The following PARP11 variants were observed in gnomAD, a reference collection of about 807,000 sequenced individuals.
PARP11 encodes the protein poly(ADP-ribose) polymerase family member 11, also known as protein mono-ADP-ribosyltransferase PARP11.
In PARP11, 31 loss-of-function variants were observed where a neutral mutation model predicts 42.9. That is an observed-to-expected ratio of 0.72 (90% CI 0.54 to 0.98). PARP11 has a LOEUF of 0.98. Among genes scored for constraint, PARP11 ranks in the 50% least tolerant of loss-of-function variants. PARP11 has a pLI of 0.00. For missense variants in PARP11, 365 were observed against 413.1 expected (o/e 0.88, Z 1.01); for synonymous variants, 137 against 127.3 (o/e 1.08, Z -0.51).
Position 3,839,161 on chromosome 12 carries a change from CGCCGCCT to C in PARP11, c.19-9150_19-9144del, listed in dbSNP as rs570116276. Among the ~76,000 whole-genome samples, 16 of 149,388 alleles carry C rather than the reference CGCCGCCT, an allele frequency of 1.1e-4. No homozygotes were observed. In the East Asian group the frequency reaches 1.6e-3, roughly 15 times the overall value. On this transcript the variant is annotated intron_variant, in intron 1 of 7. Transcript: ENST00000228820. Reference sequence around the variant, plus strand: ...GCGGACCGCTGCCTCGGGCCGCCGCCGCCGCCTGCCGCCTGCCGCCGCTCGCGGAGCC... The same window carrying C: ...GCGGACCGCTGCCTCGGGCCGCCGCCGCCGCCTGCCGCCGCTCGCGGAGCC...
chr12:3,851,865 G>A (rs953670819), intron 1 of PARP11, among the ~76,000 whole-genome samples: 7 of 152,198 alleles, frequency 4.6e-5, no homozygotes, highest in South Asian at 2.1e-4. Context: ...AGTAGGGGCC[G>A]ACTGACACCT....
intron 1 of PARP11, among the ~76,000 whole-genome samples, chr12:3,834,007 T>C (rs1947704282): frequency 6.6e-6 from 1 of 152,128 alleles, no homozygotes; most frequent in Admixed American, 6.5e-5. Context: ...ACAGCCCCCA[T>C]TCAAAAGGTA....
intron 1 of PARP11, chr12:3,839,943 T>C (rs1257911377): frequency 8.3e-7 from 1 of 1,202,146 alleles, no homozygotes; most frequent in Non-Finnish European, 1.2e-6. Flanking sequence ...GTAAAACTGC[T>C]GTTGCTGCTG....
chr12:3,819,562 G>A (rs1947354162), intron 6 of PARP11, among the ~76,000 whole-genome samples: 2 of 152,124 alleles, frequency 1.3e-5, no homozygotes, highest in African/African-American at 4.8e-5. Flanking sequence ...ATCACTCCCA[G>A]TTGAGAACCA....
At chr12:3,849,376 ACAT>A (rs1475269458) in intron 1 of PARP11, among the ~76,000 whole-genome samples, 2 of 152,178 alleles carry the variant, frequency 1.3e-5, no homozygotes, top group Non-Finnish European at 2.9e-5. Context: ...GCAGAATGAT[ACAT>A]AATAGCCAAG....
At chr12:3,842,640 T>G in intron 1 of PARP11, 1 of 672,290 alleles carries the variant, frequency 1.5e-6, no homozygotes, top group East Asian at 2.5e-5. Context: ...CCTCCTTACC[T>G]TCCCTCCCAT....
chr12:3,842,397 A>G, intron 1 of PARP11: 2 of 1,611,480 alleles, frequency 1.2e-6, no homozygotes, highest in East Asian at 2.2e-5. Flanking sequence ...CCTGGAAAGG[A>G]CAGCCAAGCA....
Position 3,840,238 on chromosome 12 carries a change from G to A in PARP11, c.19-10220C>T. The A allele has an allele frequency of 6.2e-7, 1 of 1,612,290 alleles. No individual in the cohort carries two copies. Among genetic ancestry groups the A allele is most frequent in the Non-Finnish European group, 8.5e-7 (1 of 1,178,308 alleles). On this transcript the variant is annotated intron_variant, in intron 1 of 7. Transcript: ENST00000228820. This position sits in a 1 kb window ranked among gnomAD's most constrained non-coding sequence, Gnocchi z 4.4. ...CGTTCAAGGAGTTCATTCTGAGAAT[G>A]GACCAGTTTTGGTTGAAGAACTGGG...
chr12:3,859,559 TA>T (rs59321607), intron 1 of PARP11, among the ~76,000 whole-genome samples: 39,269 of 112,280 alleles, frequency 0.35, 6,572 homozygotes, highest in Non-Finnish European at 0.44. Context: ...GAGACTCTGC[TA>T]AAAAAAAAAA....
intron 4 of PARP11, among the ~76,000 whole-genome samples, chr12:3,825,162 T>C (rs912177809): frequency 1.3e-5 from 2 of 152,164 alleles, no homozygotes; most frequent in Non-Finnish European, 2.9e-5. Flanking sequence ...AGAATTTCAA[T>C]ACTTGCTTGA....
chr12:3,858,964 G>A (rs942449074), intron 1 of PARP11, among the ~76,000 whole-genome samples: 2 of 151,758 alleles, frequency 1.3e-5, no homozygotes, highest in African/African-American at 4.8e-5. Flanking sequence ...AGGTGTGGTG[G>A]TAGGCGCCTG....
At position 3,810,824 on chromosome 12, in the gene PARP11, G is replaced by C. The variant is rs1240044629; in HGVS notation, c.*1299C>G. 1 of 152,052 alleles carries C rather than the reference G, an allele frequency of 6.6e-6. No homozygotes were observed. Among genetic ancestry groups the C allele is most frequent in the East Asian group, 1.9e-4 (1 of 5,178 alleles). 9.4% of individuals were successfully genotyped at this position (152,052 alleles called of 1,614,324 possible). A position where few individuals can be genotyped will look rare whatever the true frequency, so the allele number is the denominator to read the frequency against. On this transcript the variant is annotated 3_prime_UTR_variant, in exon 8 of 8. Coordinates refer to ENST00000228820, the MANE Select transcript of PARP11 (RefSeq NM_020367.6). ...ACAGAAGAGAAGAGAAAGAAGAGAA[G>C]AGAAAGAGGAGAGAAGAGAAGGAGG...
At chr12:3,836,549 T>C (rs1947766876) in intron 1 of PARP11, among the ~76,000 whole-genome samples, 1 of 152,152 alleles carries the variant, frequency 6.6e-6, no homozygotes, top group Non-Finnish European at 1.5e-5. Context: ...AAAAGAGCGC[T>C]GGTAAAAGGT....
At position 3,845,031 on chromosome 12, in the gene PARP11, G is replaced by A. The variant is rs1283465580; in HGVS notation, c.19-15013C>T. On this transcript the variant is annotated intron_variant, in intron 1 of 7. Coordinates refer to ENST00000228820, the MANE Select transcript of PARP11 (RefSeq NM_020367.6). Reference sequence around the variant, plus strand: ...TGAGGATCATTTGCATTTTTGAGTTGGAAATTATGAAACTTCACCATATTA... The same window carrying A: ...TGAGGATCATTTGCATTTTTGAGTTAGAAATTATGAAACTTCACCATATTA... Among the ~76,000 whole-genome samples the A allele has an allele frequency of 2.0e-5, 3 of 149,140 alleles. No individual in the cohort carries two copies. The East Asian group carries it at 6.7e-4, about 33-fold the overall frequency.
intron 1 of PARP11, chr12:3,872,440 A>G (rs1468259343): frequency 1.1e-6 from 1 of 871,794 alleles, no homozygotes; most frequent in Non-Finnish European, 1.4e-6. Context: ...TTCGGCCCCT[A>G]CGTTGCACTT....
intron 1 of PARP11, among the ~76,000 whole-genome samples, chr12:3,864,384 T>C (rs1355420972): frequency 6.6e-6 from 1 of 152,234 alleles, no homozygotes; most frequent in African/African-American, 2.4e-5. Flanking sequence ...TATTGGTCTG[T>C]AGTTTTCTAT....
intron 1 of PARP11, among the ~76,000 whole-genome samples, chr12:3,854,033 C>T (rs1379661800): frequency 6.6e-6 from 1 of 152,288 alleles, no homozygotes; most frequent in East Asian, 1.9e-4. Context: ...TCCTAAATGA[C>T]TACTAGGTAA....
intron 6 of PARP11, among the ~76,000 whole-genome samples, chr12:3,816,075 T>C (rs1334741813): frequency 6.6e-6 from 1 of 152,232 alleles, no homozygotes; most frequent in Non-Finnish European, 1.5e-5. Flanking sequence ...ATTTAGCAAA[T>C]GTTTACTTTA....
intron 6 of PARP11, among the ~76,000 whole-genome samples, chr12:3,819,448 A>G (rs1219787451): frequency 6.6e-5 from 10 of 152,186 alleles, no homozygotes; most frequent in Non-Finnish European, 4.4e-5. Context: ...TAGGATGTTT[A>G]GCATCCTGGC....
Sources: gnomAD v4.1 joint callset for allele counts (sites outside exome capture counted in the v4.1 genomes callset) on GRCh38, gnomAD v4.1.1 for gene constraint, Gnocchi (gnomAD v3.1) non-coding constraint, MANE v1.5 for transcripts, NCBI Gene and HGNC (gene_info 2026-07-23, HGNC 2026-07-21) for gene names.